The following TRPC5OS variants were observed in gnomAD, a reference collection of about 807,000 sequenced individuals.
The protein encoded by TRPC5OS is putative uncharacterized protein TRPC5OS.
For missense variants in TRPC5OS, 64 were observed against 79.3 expected (o/e 0.81, Z 0.73); for synonymous variants, 30 against 29.3 (o/e 1.02, Z -0.08).
intron 1 of TRPC5OS, among the ~76,000 whole-genome samples, chrX:111,884,416 C>T (rs1198046415): frequency 8.9e-6 from 1 of 112,448 alleles, no homozygotes; most frequent in East Asian, 2.8e-4. Context: ...GGGCCCAAGC[C>T]TAATTAAAGG....
At chrX:111,885,861 GTCA>G (rs1924467694) in intron 1 of TRPC5OS, among the ~76,000 whole-genome samples, 2 of 111,866 alleles carry the variant, frequency 1.8e-5, no homozygotes, top group Admixed American at 1.9e-4. Context: ...CTTGCTTATT[GTCA>G]TCATCCTTAT....
At position 111,902,066 on chromosome X, in the gene TRPC5OS, A is replaced by G. The variant is rs1925376212; in HGVS notation, c.217A>G (p.Ile73Val). Residue 73 changes from isoleucine to valine, a missense_variant, in exon 4 of 4, where the codon ATA (isoleucine) becomes GTA (valine). Physicochemically the swap from Ile to Val is conservative, Grantham distance 29. Coordinates refer to ENST00000635763, the MANE Select transcript of TRPC5OS (RefSeq NM_001195578.2). ...CCCTGATCTCTCAGACTTAGACTCAATACTTACACCAAGAGAGGATGAAGA... is the reference window on the plus strand; with the variant it reads ...CCCTGATCTCTCAGACTTAGACTCAGTACTTACACCAAGAGAGGATGAAGA... Reference protein sequence around the residue: ...DLPDLSDLDSILTPREDEDLI... With the variant: ...DLPDLSDLDSVLTPREDEDLI... 1 of 1,153,335 alleles carries G rather than the reference A, an allele frequency of 8.7e-7. No individual in the cohort carries two copies. Among genetic ancestry groups the G allele is most frequent in the Admixed American group, 2.6e-5 (1 of 38,420 alleles).
At chrX:111,887,258 T>A (rs967620927) in intron 1 of TRPC5OS, among the ~76,000 whole-genome samples, 2 of 112,799 alleles carry the variant, frequency 1.8e-5, no homozygotes, top group African/African-American at 6.4e-5. Flanking sequence ...AAATAATTTA[T>A]TCCACTAAGT....
At chrX:111,890,277 C>T (rs781189851) in intron 1 of TRPC5OS, among the ~76,000 whole-genome samples, 15 of 111,991 alleles carry the variant, frequency 1.3e-4, no homozygotes, top group East Asian at 5.6e-4. Context: ...GCTTTGAATA[C>T]GGCCCAACAC....
At chrX:111,890,948 C>T (rs1345985980) in intron 1 of TRPC5OS, among the ~76,000 whole-genome samples, 2 of 111,411 alleles carry the variant, frequency 1.8e-5, no homozygotes, top group African/African-American at 6.5e-5. Flanking sequence ...TTAGCTCCCA[C>T]ATATAAGTAA....
At chrX:111,888,993 G>A (rs975357769) in intron 1 of TRPC5OS, among the ~76,000 whole-genome samples, 1 of 111,881 alleles carries the variant, frequency 8.9e-6, no homozygotes, top group Non-Finnish European at 1.9e-5. Flanking sequence ...AGAGTACCAA[G>A]GATTTAGTTT....
chrX:111,883,309 A>G (rs1924319353), intron 1 of TRPC5OS, among the ~76,000 whole-genome samples: 1 of 112,091 alleles, frequency 8.9e-6, no homozygotes, highest in South Asian at 3.7e-4. Flanking sequence ...AGTCAGCCCA[A>G]CTGGGACCTA....
intron 3 of TRPC5OS, among the ~76,000 whole-genome samples, chrX:111,898,621 A>G (rs1603086377): frequency 1.8e-5 from 2 of 110,656 alleles, no homozygotes; most frequent in Non-Finnish European, 3.8e-5. Flanking sequence ...CAGAAAACAA[A>G]TCAGACAGAT....
chrX:111,879,588 A>T (rs1421176280), intron 1 of TRPC5OS, among the ~76,000 whole-genome samples: 1 of 112,647 alleles, frequency 8.9e-6, no homozygotes, highest in Non-Finnish European at 1.9e-5. Flanking sequence ...AGAGTGATGC[A>T]TCCAAATAAA....
chrX:111,901,458 A>T (rs1324533149), intron 3 of TRPC5OS, 82 bp from the exon 4 acceptor site: 2 of 115,473 alleles, frequency 1.7e-5, no homozygotes, highest in African/African-American at 6.5e-5. Context: ...AATTCTTGAT[A>T]GGGGTAACCA....
At chrX:111,893,928 C>T (rs753498459) in intron 1 of TRPC5OS, among the ~76,000 whole-genome samples, 5 of 111,792 alleles carry the variant, frequency 4.5e-5, no homozygotes, top group African/African-American at 9.7e-5. Context: ...AAATTGTGAA[C>T]ATTTGCCCTT....
intron 1 of TRPC5OS, among the ~76,000 whole-genome samples, chrX:111,890,880 C>G (rs776043078): frequency 4.5e-5 from 5 of 111,046 alleles, no homozygotes; most frequent in Admixed American, 9.6e-5. Context: ...CACCCTCGAC[C>G]CTCTGATAGG....
chrX:111,880,607 G>A (rs1226837689), intron 1 of TRPC5OS, among the ~76,000 whole-genome samples: 4 of 112,388 alleles, frequency 3.6e-5, no homozygotes, highest in Non-Finnish European at 7.5e-5. Flanking sequence ...GCCTATGTAA[G>A]TTTAACTTAT....
intron 1 of TRPC5OS, among the ~76,000 whole-genome samples, chrX:111,889,862 G>A (rs1265600773): frequency 8.9e-6 from 1 of 111,758 alleles, no homozygotes; most frequent in African/African-American, 3.3e-5. Context: ...TGATCTTAAG[G>A]TGATTTTAAT....
At chrX:111,899,948 T>C (rs1925257102) in intron 3 of TRPC5OS, among the ~76,000 whole-genome samples, 1 of 110,881 alleles carries the variant, frequency 9.0e-6, no homozygotes, top group Non-Finnish European at 1.9e-5. Flanking sequence ...TTCTGGTCAT[T>C]ATCGTTGTGA....
chrX:111,898,868 C>T (rs1436363737), intron 3 of TRPC5OS, among the ~76,000 whole-genome samples: 3 of 109,744 alleles, frequency 2.7e-5, no homozygotes, highest in African/African-American at 9.9e-5. Context: ...TCATTCCCCA[C>T]TCCTCCCCCA....
At chrX:111,878,625 A>C (rs1924066739) in intron 1 of TRPC5OS, among the ~76,000 whole-genome samples, 1 of 111,402 alleles carries the variant, frequency 9.0e-6, no homozygotes, top group Non-Finnish European at 1.9e-5. Flanking sequence ...ACTAATTGAC[A>C]ATGGCACCTC....
rs1357848916 is a variant in TRPC5OS, at chrX:111,878,219, T to A, written c.-546+1946T>A. Among the ~76,000 whole-genome samples, 5 of 108,866 alleles carry A rather than the reference T, an allele frequency of 4.6e-5. No individual in the cohort carries two copies. The Admixed American group carries it at 4.9e-4, about 11-fold the overall frequency. The allele number at this position is 108,866 out of a possible 115,157, so 94.5% of individuals were successfully genotyped here. A position where few individuals can be genotyped will look rare whatever the true frequency, so the allele number is the denominator to read the frequency against. Reference sequence around the variant, plus strand: ...TATCAAAATATCACATTGTATCCCATAAATAAATACAATTATGTCAATTAA... The same window carrying A: ...TATCAAAATATCACATTGTATCCCAAAAATAAATACAATTATGTCAATTAA... On this transcript the variant is annotated intron_variant, in intron 1 of 3. Transcript: ENST00000635763.
intron 1 of TRPC5OS, among the ~76,000 whole-genome samples, chrX:111,890,932 C>T (rs1924775862): frequency 1.8e-5 from 2 of 111,226 alleles, no homozygotes; most frequent in Admixed American, 1.9e-4. Context: ...CATGTGTTTT[C>T]ACCATTTAGC....
Sources: allele counts gnomAD v4.1 joint callset (sites outside exome capture counted in the v4.1 genomes callset), GRCh38; gene constraint gnomAD v4.1.1; transcripts MANE v1.5; gene names NCBI Gene and HGNC (gene_info 2026-07-23, HGNC 2026-07-21).